Variants in TMC3 observed in about 807,000 individuals in gnomAD.
The protein encoded by TMC3 is transmembrane channel like 3.
A neutral mutation model predicts 110.6 loss-of-function variants in TMC3; 98 were observed. That is an observed-to-expected ratio of 0.89 (90% confidence interval 0.75 to 1.05). The LOEUF (loss-of-function observed/expected upper bound fraction) is 1.05, where lower values mean the gene tolerates loss of function less well. Ranked by LOEUF, TMC3 falls within the 50% of genes least tolerant of loss-of-function variation. The pLI is 0.00. For missense variants in TMC3, 1,319 were observed against 1,373.2 expected (o/e 0.96, Z 0.62); for synonymous variants, 489 against 513.1 (o/e 0.95, Z 0.63).
chr15:81,369,113 A>G (rs923715847), intron 2 of TMC3, among the ~76,000 whole-genome samples: 2 of 151,932 alleles, frequency 1.3e-5, no homozygotes, highest in Non-Finnish European at 2.9e-5. Flanking sequence ...GATTATGTTC[A>G]GTGTTGAAAA....
chr15:81,344,216 T>C (rs1300903609), intron 13 of TMC3, among the ~76,000 whole-genome samples, 171 bp from the exon 14 acceptor site: 1 of 152,210 alleles, frequency 6.6e-6, no homozygotes, highest in Non-Finnish European at 1.5e-5. Context: ...AGGACTGGGC[T>C]TCTGGTACAT....
At chr15:81,365,656 G>A (rs2141423346) in intron 3 of TMC3, among the ~76,000 whole-genome samples, 1 of 128,416 alleles carries the variant, frequency 7.8e-6, no homozygotes, top group East Asian at 2.3e-4. Flanking sequence ...GGGCCACAGA[G>A]CAAGACTCTG....
At chr15:81,338,484 G>C (rs1284531264) in intron 18 of TMC3, among the ~76,000 whole-genome samples, 171 bp downstream of exon 18, 2 of 152,256 alleles carry the variant, frequency 1.3e-5, no homozygotes, top group Admixed American at 1.3e-4. Flanking sequence ...ATGGCACAGT[G>C]CCTCATGTGA....
At chr15:81,352,056 A>C (rs749751105) in intron 9 of TMC3, among the ~76,000 whole-genome samples, 3 of 152,214 alleles carry the variant, frequency 2.0e-5, no homozygotes, top group Non-Finnish European at 4.4e-5. Flanking sequence ...ACCAGCCTGC[A>C]TCAGTGGGGT....
chr15:81,341,356 G>C (rs1567062198), intron 16 of TMC3, 34 bp downstream of exon 16: 50 of 1,584,460 alleles, frequency 3.2e-5, no homozygotes, highest in Admixed American at 7.1e-5. Context: ...TGTATATATA[G>C]TTATCTGCAT....
At chr15:81,372,509 ATCC>A in intron 2 of TMC3, 79 bp downstream of exon 2, 4 of 1,560,368 alleles carry the variant, frequency 2.6e-6, no homozygotes, top group Non-Finnish European at 2.6e-6. Context: ...ATGAGTCTTT[ATCC>A]TCGTTCCCAT....
chr15:81,346,393 A>C lies in TMC3; in HGVS notation c.1244T>G (p.Leu415Arg), dbSNP rs1567063880. ...AATGCTCATGCTGTTAACTTTGTCC[A>C]GGAGAGCAATGATCAGGCTGTAGAG... is the stretch of plus-strand genomic sequence containing the variant. ...GNLYSLIIAL[L>R]DKVNSMSIEE... The change falls in exon 12 of 22, where the codon CTG (leucine) becomes CGG (arginine). Residue 415 changes from leucine to arginine, a missense_variant. Coordinates refer to ENST00000359440, the MANE Select transcript of TMC3 (RefSeq NM_001080532.3). The C allele has an allele frequency of 6.2e-7, 1 of 1,613,846 alleles. No individual in the cohort carries two copies. The highest frequency in any genetic ancestry group is 1.7e-5 in the Admixed American group (1 of 60,008).
chr15:81,337,355 C>T (rs951458532), intron 19 of TMC3, among the ~76,000 whole-genome samples: 2 of 152,016 alleles, frequency 1.3e-5, no homozygotes, highest in African/African-American at 4.8e-5. Context: ...CGTGTGTCTC[C>T]CTGGGACTGC....
chr15:81,343,854 C>T, intron 14 of TMC3, 63 bp downstream of exon 14: 1 of 1,570,792 alleles, frequency 6.4e-7, no homozygotes, highest in Non-Finnish European at 8.7e-7. Flanking sequence ...TTCCCAGCCA[C>T]AACATGAGAA....
chr15:81,349,438 T>A lies in TMC3; in HGVS notation c.1193+20A>T. The A allele has an allele frequency of 7.0e-7, 1 of 1,428,910 alleles. No homozygotes were observed. Among genetic ancestry groups the A allele is most frequent in the South Asian group, 1.6e-5 (1 of 60,874 alleles). The allele number at this position is 1,428,910 out of a possible 1,614,324, so 88.5% of individuals were successfully genotyped here. A position where few individuals can be genotyped will look rare whatever the true frequency, so the allele number is the denominator to read the frequency against. On this transcript the variant is annotated intron_variant, in intron 11 of 21. Coordinates refer to ENST00000359440, the MANE Select transcript of TMC3 (RefSeq NM_001080532.3). Reference sequence around the variant, plus strand: ...ACATGGGTGAGCCACAGGTGGCATTTCTGGGCAGGACTGTTGTACCTTGCA... The same window carrying A: ...ACATGGGTGAGCCACAGGTGGCATTACTGGGCAGGACTGTTGTACCTTGCA...
At chr15:81,351,670 G>T in intron 10 of TMC3, 24 bp downstream of exon 10, 1 of 1,551,816 alleles carries the variant, frequency 6.4e-7, no homozygotes, top group Non-Finnish European at 8.7e-7. Context: ...TTTCTAGGGT[G>T]CTGCAGGTAA....
In TMC3 at chr15:81,332,915, G is replaced by A. The variant is rs1388725347; in HGVS notation, c.2807C>T (p.Pro936Leu). The A allele has an allele frequency of 2.5e-6, 4 of 1,612,906 alleles. No individual in the cohort carries two copies. The highest frequency in any genetic ancestry group is 4.5e-5 in the East Asian group (2 of 44,892). The part of the protein sequence containing the change: ...RQYASRVPRQ[P>L]PSPQLSEEEE... Reference sequence around the variant, plus strand: ...TTCTTCACTCAGCTGTGGGGAGGGAGGCTGGCGGGGGACCCGGGATGCATA... The same window carrying A: ...TTCTTCACTCAGCTGTGGGGAGGGAAGCTGGCGGGGGACCCGGGATGCATA... The change falls in exon 22 of 22, where the codon CCT (proline) becomes CTT (leucine). Residue 936 changes from proline to leucine, a missense_variant. Physicochemically the swap from Pro to Leu is moderately conservative, Grantham distance 98. Coordinates refer to ENST00000359440, the MANE Select transcript of TMC3 (RefSeq NM_001080532.3).
chr15:81,339,487 A>G lies in TMC3; in HGVS notation c.1862T>C (p.Leu621Ser). Reference sequence around the variant, plus strand: ...AAACAGCATAAACAGGAGCATTGCCAAGTAGAAGTTGTTGGATCTGCAGAT... The same window carrying G: ...AAACAGCATAAACAGGAGCATTGCCGAGTAGAAGTTGTTGGATCTGCAGAT... Reference protein sequence around the residue: ...FRASRSNNFYLAMLLFMLFLC... With the variant: ...FRASRSNNFYSAMLLFMLFLC... The change falls in exon 17 of 22, where the codon TTG becomes TCG. Residue 621 changes from leucine to serine, a missense_variant. Coordinates refer to ENST00000359440, the MANE Select transcript of TMC3 (RefSeq NM_001080532.3). 6.2e-7 allele frequency: 1 copy of G among 1,603,686 alleles called. No homozygotes were observed. Among genetic ancestry groups the G allele is most frequent in the East Asian group, 2.2e-5 (1 of 44,610 alleles).
At chr15:81,343,132 T>C (rs981318524) in intron 15 of TMC3, 146 bp downstream of exon 15, 3 of 535,900 alleles carry the variant, frequency 5.6e-6, no homozygotes, top group Non-Finnish European at 1.0e-5. Flanking sequence ...ATAAAAGTAA[T>C]ATACATGTGA....
At chr15:81,334,698 C>A in intron 21 of TMC3, 22 bp downstream of exon 21, 2 of 1,598,778 alleles carry the variant, frequency 1.3e-6, no homozygotes, top group Non-Finnish European at 1.7e-6. Context: ...AGGTTTTAAT[C>A]TGTGCTGCAG....
At chr15:81,357,986 T>C (rs1405724799) in intron 7 of TMC3, among the ~76,000 whole-genome samples, 163 bp downstream of exon 7, 3 of 152,180 alleles carry the variant, frequency 2.0e-5, no homozygotes, top group African/African-American at 7.2e-5. Flanking sequence ...TACAGGGCTA[T>C]TGACAAGATT....
chr15:81,349,551 G>A lies in TMC3; in HGVS notation c.1100C>T (p.Ser367Phe), dbSNP rs1315212977. ...WEKNEVSVVV[S>F]LVTMIAPSAF... is the part of the protein sequence containing the mutation. ...TGATGGTGCTATCATGGTGACGAGG[G>A]AGACCACCACACTGACCTGCTGAGA... The change falls in exon 11 of 22, where the codon TCC becomes TTC. Residue 367 changes from serine (S) to phenylalanine (F), a missense_variant. Physicochemically the swap from Ser to Phe is radical, Grantham distance 155. Transcript: ENST00000359440. The A allele has an allele frequency of 2.6e-6, 4 of 1,543,266 alleles. No homozygotes were observed. The highest frequency in any genetic ancestry group is 3.5e-6 in the Non-Finnish European group (4 of 1,143,262).
chr15:81,344,305 G>T (rs569516558), intron 13 of TMC3, among the ~76,000 whole-genome samples: 12 of 152,332 alleles, frequency 7.9e-5, no homozygotes, highest in Non-Finnish European at 1.5e-4. Context: ...AACTAGGAAA[G>T]AATCTAAGGT....
intron 3 of TMC3, among the ~76,000 whole-genome samples, chr15:81,366,388 C>T (rs1453572323): frequency 1.3e-5 from 2 of 152,084 alleles, no homozygotes; most frequent in Admixed American, 6.5e-5. Flanking sequence ...ACGAGCTGAG[C>T]GTTTTACAGA....
Sources: allele counts gnomAD v4.1 joint callset (sites outside exome capture counted in the v4.1 genomes callset), GRCh38; gene constraint gnomAD v4.1.1; transcripts MANE v1.5; gene names NCBI Gene and HGNC (gene_info 2026-07-23, HGNC 2026-07-21).